MYZAP: variants seen among roughly 807,000 people sequenced by gnomAD.
The protein encoded by MYZAP is GRINL1A complex locus upstream.
A neutral mutation model predicts 69.4 loss-of-function variants in MYZAP; 66 were observed. The observed-to-expected ratio is 0.95, with a 90% CI of 0.78 to 1.17. The LOEUF is 1.17. Ranked by LOEUF, MYZAP falls within the 50% of genes most tolerant of loss-of-function variation. The probability of loss-of-function intolerance (pLI) is 0.00; values close to 1 mark genes in which losing one functional copy is unlikely to be tolerated. For synonymous variants in MYZAP, 256 were observed against 205.9 expected (o/e 1.24, Z -2.09); for missense variants, 611 against 556.2 (o/e 1.10, Z -0.99).
At chr15:57,682,247 A>C (rs2039482432) in intron 12 of MYZAP, among the ~76,000 whole-genome samples, 3 of 152,078 alleles carry the variant, frequency 2.0e-5, no homozygotes, top group Admixed American at 2.0e-4. Context: ...AGAGAGAGAG[A>C]GCGTGGGGGA....
At chr15:57,638,281 T>C (rs2036933262) in intron 9 of MYZAP, among the ~76,000 whole-genome samples, 1 of 152,156 alleles carries the variant, frequency 6.6e-6, no homozygotes, top group East Asian at 1.9e-4. Flanking sequence ...GGGTCTCTAG[T>C]GAAGGAAAAC....
intron 2 of MYZAP, among the ~76,000 whole-genome samples, chr15:57,612,994 C>A (rs1308736759): frequency 1.3e-5 from 2 of 150,506 alleles, no homozygotes; most frequent in African/African-American, 4.9e-5. Flanking sequence ...TGCAATGGTG[C>A]GATCTCGGCT....
Position 57,624,531 on chromosome 15 carries a change from C to G in MYZAP, c.412-1248C>G, listed in dbSNP as rs546670079. Among the ~76,000 whole-genome samples the G allele has an allele frequency of 1.4e-4, 22 of 152,320 alleles. No individual in the cohort carries two copies. In the South Asian group the frequency reaches 4.6e-3, roughly 32 times the overall value. ...TGGGAGGACATTTGTGAAATTCTCA[C>G]CTGCTTATGGAAAGTCATTCTGCCA... On this transcript the variant is annotated intron_variant, in intron 4 of 12. Transcript: ENST00000267853.
chr15:57,678,297 G>A (rs1354863104), intron 12 of MYZAP, among the ~76,000 whole-genome samples: 3 of 152,138 alleles, frequency 2.0e-5, no homozygotes, highest in Non-Finnish European at 4.4e-5. Context: ...GGGAGGCAGA[G>A]GTTGCAGTGA....
chr15:57,632,312 G>A, intron 6 of MYZAP, 122 bp from the exon 7 acceptor site: 1 of 1,490,178 alleles, frequency 6.7e-7, no homozygotes, highest in Non-Finnish European at 9.1e-7. Context: ...GTGTCTCTCT[G>A]CTGCAGAACC....
At chr15:57,654,476 T>C (rs180689732) in intron 10 of MYZAP, among the ~76,000 whole-genome samples, 2 of 152,282 alleles carry the variant, frequency 1.3e-5, no homozygotes, top group Admixed American at 1.3e-4. Flanking sequence ...GCATTTTTCG[T>C]GTTTGTTATC....
chr15:57,654,721 A>C (rs2037923466), intron 10 of MYZAP, among the ~76,000 whole-genome samples: 1 of 152,150 alleles, frequency 6.6e-6, no homozygotes. Context: ...TGTGTCCTAC[A>C]TGTTACTAAT....
intron 12 of MYZAP, among the ~76,000 whole-genome samples, chr15:57,678,910 C>G (rs927561141): frequency 4.6e-5 from 7 of 151,794 alleles, no homozygotes; most frequent in Non-Finnish European, 8.8e-5. Flanking sequence ...GGTGTGGTGT[C>G]TCACACCTGT....
rs372031185 is a variant in MYZAP, at chr15:57,621,603, T to C, written c.319-5T>C. 9 of 1,613,284 alleles carry C rather than the reference T, an allele frequency of 5.6e-6. No homozygotes were observed. Among genetic ancestry groups the C allele is most frequent in the African/African-American group, 5.3e-5 (4 of 75,008 alleles). On this transcript the variant is annotated splice_polypyrimidine_tract_variant and splice_region_variant and intron_variant, in intron 3 of 12. Transcript: ENST00000267853. ...ATCTCTAACTAGTATCTTTGTGGGC[T>C]ACAGGTGAGAGCCACTTTGGAAAAG...
intron 2 of MYZAP, among the ~76,000 whole-genome samples, chr15:57,612,137 C>T (rs1237383320): frequency 6.6e-6 from 1 of 152,202 alleles, no homozygotes; most frequent in African/African-American, 2.4e-5. Context: ...GGCAGGGAAC[C>T]CAGTGGCTCT....
At chr15:57,605,094 C>T (rs1012124320) in intron 2 of MYZAP, among the ~76,000 whole-genome samples, 26 of 152,154 alleles carry the variant, frequency 1.7e-4, no homozygotes, top group African/African-American at 6.0e-4. Context: ...TGGTCCTGGC[C>T]GACCCATTTT....
intron 11 of MYZAP, among the ~76,000 whole-genome samples, chr15:57,672,678 T>G (rs1253590033): frequency 1.3e-5 from 2 of 152,236 alleles, no homozygotes; most frequent in Non-Finnish European, 2.9e-5. Context: ...GATTTCTAAC[T>G]TCTTGTAGTG....
Position 57,618,150 on chromosome 15 carries a change from A to C in MYZAP, c.280A>C (p.Thr94Pro), listed in dbSNP as rs1377027686. The C allele has an allele frequency of 1.2e-6, 2 of 1,614,052 alleles. No homozygotes were observed. Among genetic ancestry groups the C allele is most frequent in the Non-Finnish European group, 1.7e-6 (2 of 1,180,028 alleles). Residue 94 changes from threonine to proline, a missense_variant, in exon 3 of 13, where the codon ACC becomes CCC. Thr to Pro is a conservative substitution (Grantham distance 38). Coordinates refer to ENST00000267853, the MANE Select transcript of MYZAP (RefSeq NM_001018100.5). ...AGAAATGGTGGTGTATGGGTGGTCC[A>C]CCAGTCAGCTGAAAGAAGAGATGAA... Reference protein sequence around the residue: ...QKEMVVYGWSTSQLKEEMNYI... With the variant: ...QKEMVVYGWSPSQLKEEMNYI...
intron 10 of MYZAP, among the ~76,000 whole-genome samples, chr15:57,658,711 A>T (rs2038128641): frequency 6.6e-6 from 1 of 152,168 alleles, no homozygotes; most frequent in Non-Finnish European, 1.5e-5. Flanking sequence ...GGGGTGTATA[A>T]TGCCTGGTTA....
intron 1 of MYZAP, among the ~76,000 whole-genome samples, chr15:57,595,088 G>C (rs2140308253): frequency 6.6e-6 from 1 of 152,348 alleles, no homozygotes. Context: ...CTGCGAGCCA[G>C]CTGCCAAGGG....
At chr15:57,597,678 T>C (rs1426810520) in intron 1 of MYZAP, among the ~76,000 whole-genome samples, 2 of 152,220 alleles carry the variant, frequency 1.3e-5, no homozygotes, top group African/African-American at 4.8e-5. Context: ...TGTATGCCTC[T>C]GAGCTAAGAA....
At chr15:57,657,307 A>G (rs577315255) in intron 10 of MYZAP, among the ~76,000 whole-genome samples, 1 of 152,332 alleles carries the variant, frequency 6.6e-6, no homozygotes, top group East Asian at 1.9e-4. Flanking sequence ...TTTAAAAGTT[A>G]ACTTTAACAA....
At chr15:57,607,663 C>G (rs1484121060) in intron 2 of MYZAP, among the ~76,000 whole-genome samples, 2 of 152,178 alleles carry the variant, frequency 1.3e-5, no homozygotes, top group East Asian at 3.9e-4. Flanking sequence ...ACTTCTTACA[C>G]CAGGTGGACC....
chr15:57,667,662 C>T (rs1163965973), intron 11 of MYZAP, among the ~76,000 whole-genome samples: 1 of 152,112 alleles, frequency 6.6e-6, no homozygotes, highest in East Asian at 1.9e-4. Flanking sequence ...GTCCCACGCT[C>T]TCTAACTCTC....
Sources: gnomAD v4.1 joint callset for allele counts (sites outside exome capture counted in the v4.1 genomes callset) on GRCh38, gnomAD v4.1.1 for gene constraint, MANE v1.5 for transcripts, NCBI Gene and HGNC (gene_info 2026-07-23, HGNC 2026-07-21) for gene names.